MAN2A1: variants seen among roughly 807,000 people sequenced by gnomAD.
The protein encoded by MAN2A1 is alpha-mannosidase 2.
In MAN2A1, 76 loss-of-function variants were observed where a neutral mutation model predicts 142.6. That is an observed-to-expected ratio of 0.53 (90% CI 0.44 to 0.65). The LOEUF (loss-of-function observed/expected upper bound fraction) is 0.65. Ranked by LOEUF, MAN2A1 falls within the 30% of genes least tolerant of loss-of-function variation. The pLI is 0.00. For synonymous variants in MAN2A1, 559 were observed against 473.2 expected (o/e 1.18, Z -2.35); for missense variants, 1,311 against 1,365.1 (o/e 0.96, Z 0.62).
chr5:109,701,991 T>C (rs1299008635), intron 1 of MAN2A1, among the ~76,000 whole-genome samples: 1 of 152,178 alleles, frequency 6.6e-6, no homozygotes, highest in Non-Finnish European at 1.5e-5. Flanking sequence ...GCTGATCTGG[T>C]AGTCATCAGC....
intron 15 of MAN2A1, among the ~76,000 whole-genome samples, chr5:109,823,182 G>C (rs943250785): frequency 2.6e-5 from 4 of 152,034 alleles, no homozygotes; most frequent in African/African-American, 9.7e-5. Flanking sequence ...GTTTTTTCAA[G>C]TTTGTGAATT....
chr5:109,846,241 A>T (rs1755341989), intron 18 of MAN2A1, among the ~76,000 whole-genome samples: 1 of 152,194 alleles, frequency 6.6e-6, no homozygotes, highest in Non-Finnish European at 1.5e-5. Flanking sequence ...CCATGTCAAG[A>T]TTTCTTTTTA....
chr5:109,866,094 C>A (rs1755873379), intron 21 of MAN2A1, among the ~76,000 whole-genome samples: 2 of 152,174 alleles, frequency 1.3e-5, no homozygotes, highest in Admixed American at 1.3e-4. Context: ...TTAGCTTCTA[C>A]ATTTCTTTTA....
intron 4 of MAN2A1, among the ~76,000 whole-genome samples, chr5:109,739,499 C>T (rs1356163945): frequency 2.0e-5 from 3 of 152,122 alleles, no homozygotes; most frequent in African/African-American, 7.2e-5. Flanking sequence ...AGAGTCTTCC[C>T]TGCCACTCCC....
In MAN2A1 at chr5:109,767,643, A is replaced by G; in HGVS notation, c.944A>G (p.His315Arg). 6.2e-7 allele frequency: 1 copy of G among 1,613,800 alleles called. No homozygotes were observed. Among genetic ancestry groups the G allele is most frequent in the African/African-American group, 1.3e-5 (1 of 75,052 alleles). Residue 315 changes from histidine to arginine, a missense_variant, in exon 6 of 22, where the codon CAT becomes CGT. Physicochemically the swap from His to Arg is conservative, Grantham distance 29. Transcript: ENST00000261483. ...GLSHMLIQRV[H>R]YAVKKHFALH... The stretch of plus-strand genomic sequence containing the variant: ...TCTCACATGCTTATCCAGAGAGTTC[A>G]TTATGCAGTTAAAAAACACTTTGCA...
intron 9 of MAN2A1, among the ~76,000 whole-genome samples, chr5:109,781,856 C>T (rs1461227497): frequency 6.6e-6 from 1 of 152,066 alleles, no homozygotes; most frequent in Non-Finnish European, 1.5e-5. Flanking sequence ...TTGTATTCTA[C>T]ATTTTGTATT....
chr5:109,694,179 T>C (rs534165432), intron 1 of MAN2A1, among the ~76,000 whole-genome samples: 3 of 152,224 alleles, frequency 2.0e-5, no homozygotes, highest in Non-Finnish European at 4.4e-5. Flanking sequence ...TAGAGATTAA[T>C]ATTAACTCTT....
intron 5 of MAN2A1, among the ~76,000 whole-genome samples, chr5:109,761,252 G>C (rs1336310710): frequency 6.6e-6 from 1 of 151,438 alleles, no homozygotes; most frequent in Non-Finnish European, 1.5e-5. Flanking sequence ...TTATTGCATA[G>C]ATAACATCTC....
At chr5:109,855,822 T>C (rs971089029) in intron 20 of MAN2A1, among the ~76,000 whole-genome samples, 3 of 152,224 alleles carry the variant, frequency 2.0e-5, no homozygotes, top group African/African-American at 7.2e-5. Flanking sequence ...AAATTTAATT[T>C]AGTTAGACTG....
At chr5:109,796,703 T>G (rs1171834106) in intron 12 of MAN2A1, among the ~76,000 whole-genome samples, 5 of 152,202 alleles carry the variant, frequency 3.3e-5, no homozygotes, top group African/African-American at 1.2e-4. Flanking sequence ...CTTCCCTTTG[T>G]TCAGAATCAG....
At position 109,734,745 on chromosome 5, in the gene MAN2A1, A is replaced by G. The variant is rs567552459; in HGVS notation, c.707+5232A>G. On this transcript the variant is annotated intron_variant, in intron 4 of 21. Transcript: ENST00000261483. The stretch of plus-strand genomic sequence containing the variant: ...ACTGTGGTCTGAGAGACAGTTTGTT[A>G]TAATTTCTGTTCTTTTACGTTTGCT... 5.1e-3 allele frequency among the ~76,000 whole-genome samples: 772 copies of G among 152,228 alleles called. 6 individuals are homozygous for G. The highest frequency in any genetic ancestry group is 0.017 in the African/African-American group (724 of 41,526).
At chr5:109,811,301 C>G (rs539231291) in intron 12 of MAN2A1, among the ~76,000 whole-genome samples, 1 of 152,042 alleles carries the variant, frequency 6.6e-6, no homozygotes, top group Non-Finnish European at 1.5e-5. Flanking sequence ...ATCTCATGAT[C>G]ATTTTCCTTC....
At chr5:109,856,418 A>G (rs954469593) in intron 20 of MAN2A1, among the ~76,000 whole-genome samples, 2 of 152,196 alleles carry the variant, frequency 1.3e-5, no homozygotes, top group Non-Finnish European at 2.9e-5. Flanking sequence ...GGCTTCCAAA[A>G]GGTAGGAAAA....
intron 4 of MAN2A1, among the ~76,000 whole-genome samples, chr5:109,735,669 A>G (rs547589332): frequency 6.6e-6 from 1 of 152,280 alleles, no homozygotes; most frequent in African/African-American, 2.4e-5. Context: ...CTATTTGGCC[A>G]TCTTGGCTGC....
At chr5:109,757,399 T>C (rs1752717546) in intron 5 of MAN2A1, among the ~76,000 whole-genome samples, 1 of 152,224 alleles carries the variant, frequency 6.6e-6, no homozygotes, top group Non-Finnish European at 1.5e-5. Flanking sequence ...CCATTTAATC[T>C]ATACATTTAT....
At chr5:109,690,793 A>G (rs1003753598) in intron 1 of MAN2A1, among the ~76,000 whole-genome samples, 1 of 152,052 alleles carries the variant, frequency 6.6e-6, no homozygotes. Flanking sequence ...CCCGCTCAGG[A>G]AAGTGGCCAT....
chr5:109,798,592 T>C (rs946683379), intron 12 of MAN2A1, among the ~76,000 whole-genome samples: 4 of 152,232 alleles, frequency 2.6e-5, no homozygotes, highest in African/African-American at 9.6e-5. Flanking sequence ...ATTATGGGGC[T>C]ACCCTGATCA....
intron 1 of MAN2A1, among the ~76,000 whole-genome samples, chr5:109,690,816 G>T (rs1357809767): frequency 6.6e-6 from 1 of 152,124 alleles, no homozygotes; most frequent in African/African-American, 2.4e-5. Context: ...TCCGGCATTC[G>T]CACCCGGCCT....
chr5:109,835,896 C>A (rs1036116323), intron 16 of MAN2A1, among the ~76,000 whole-genome samples: 1 of 152,048 alleles, frequency 6.6e-6, no homozygotes, highest in Non-Finnish European at 1.5e-5. Context: ...GTTGAAGGAT[C>A]TGAGAGAGTT....
Sources: allele counts gnomAD v4.1 joint callset (sites outside exome capture counted in the v4.1 genomes callset), GRCh38; gene constraint gnomAD v4.1.1; transcripts MANE v1.5; gene names NCBI Gene and HGNC (gene_info 2026-07-23, HGNC 2026-07-21).